Variants in RBFOX1 observed in about 807,000 individuals in gnomAD.
The protein encoded by RBFOX1 is RNA binding fox-1 homolog 1, also known as RNA binding protein fox-1 homolog 1.
Under a neutral mutation model 57.7 loss-of-function variants are expected in RBFOX1, and 8 were observed. The ratio of observed to expected loss-of-function variants is 0.14; its 90% CI spans 0.08 to 0.25. RBFOX1 has a LOEUF of 0.25. Ranked by LOEUF, RBFOX1 falls within the 10% of genes least tolerant of loss-of-function variation. RBFOX1 has a pLI of 1.00. For synonymous variants in RBFOX1, 326 were observed against 222.4 expected (o/e 1.47, Z -4.15); for missense variants, 611 against 548.5 (o/e 1.11, Z -1.14).
intron 2 of RBFOX1, among the ~76,000 whole-genome samples, chr16:6,610,281 A>T (rs1418107714): frequency 6.6e-6 from 1 of 151,996 alleles, no homozygotes; most frequent in East Asian, 1.9e-4. Flanking sequence ...ATTATTAGTA[A>T]GCATGAATTA....
rs987665177 is a variant in RBFOX1, at chr16:5,834,599, T to C, written c.319-32704T>C. ...TGTCATAGATAGATAGATAGATAGA[T>C]AGATAGATAGATAGATAGATAGATT... On this transcript the variant is annotated intron_variant, in intron 3 of 19. Transcript: ENST00000641259. Among the ~76,000 whole-genome samples, 24 of 151,370 alleles carry C rather than the reference T, an allele frequency of 1.6e-4. 1 individual carries two copies. The highest frequency in any genetic ancestry group is 5.9e-4 in the Admixed American group (9 of 15,206).
At chr16:6,022,862 G>A (rs8052004) in intron 1 of RBFOX1, among the ~76,000 whole-genome samples, 2,600 of 152,212 alleles carry the variant, frequency 0.017, 71 homozygotes, top group African/African-American at 0.059. Flanking sequence ...TTTTGTTGTG[G>A]CAAGAACACA....
intron 4 of RBFOX1, among the ~76,000 whole-genome samples, chr16:7,086,308 A>G (rs1168818253): frequency 6.6e-6 from 1 of 152,170 alleles, no homozygotes; most frequent in Admixed American, 6.5e-5. Flanking sequence ...GCCATGTAAA[A>G]ATATCACTAA....
intron 1 of RBFOX1, among the ~76,000 whole-genome samples, chr16:6,316,715 A>G (rs1212401480): frequency 6.6e-6 from 1 of 152,154 alleles, no homozygotes; most frequent in African/African-American, 2.4e-5. Flanking sequence ...ATGTACATGC[A>G]TGTCTTGTCA....
At chr16:5,515,126 G>A (rs191584480) in intron 2 of RBFOX1, among the ~76,000 whole-genome samples, 67 of 152,298 alleles carry the variant, frequency 4.4e-4, no homozygotes, top group African/African-American at 1.5e-3. Flanking sequence ...CATCCATGAG[G>A]ACTCGGCCCC....
intron 4 of RBFOX1, among the ~76,000 whole-genome samples, chr16:7,099,103 A>G (rs1251585786): frequency 6.6e-6 from 1 of 152,182 alleles, no homozygotes; most frequent in Non-Finnish European, 1.5e-5. Flanking sequence ...ATATTGCAAA[A>G]ATAGTACTTA....
chr16:6,200,035 C>A (rs2097205216), intron 1 of RBFOX1, among the ~76,000 whole-genome samples: 1 of 152,116 alleles, frequency 6.6e-6, no homozygotes, highest in African/African-American at 2.4e-5. Context: ...CTAGAGATGG[C>A]ACCATTTGGA....
chr16:6,366,472 A>C (rs940955529), intron 2 of RBFOX1, among the ~76,000 whole-genome samples: 1 of 152,196 alleles, frequency 6.6e-6, no homozygotes, highest in African/African-American at 2.4e-5. Context: ...AACCCAGAAT[A>C]AGCCAAAATA....
At chr16:7,056,498 G>C (rs990229182) in intron 4 of RBFOX1, among the ~76,000 whole-genome samples, 1 of 152,106 alleles carries the variant, frequency 6.6e-6, no homozygotes, top group Non-Finnish European at 1.5e-5. Context: ...GGTGATAGTC[G>C]TACAGTGACC....
chr16:6,812,109 C>G (rs74007091), intron 3 of RBFOX1, among the ~76,000 whole-genome samples: 121 of 152,176 alleles, frequency 8.0e-4, no homozygotes, highest in Admixed American at 2.0e-3. Context: ...GAAGCCTTCA[C>G]GAGAAACTCA....
intron 3 of RBFOX1, among the ~76,000 whole-genome samples, chr16:7,046,553 A>G (rs895485157): frequency 5.9e-5 from 9 of 151,382 alleles, no homozygotes; most frequent in Non-Finnish European, 1.3e-4. Flanking sequence ...GGAGATAATA[A>G]AGTTTATCAC....
chr16:6,223,249 G>C (rs371646599), intron 1 of RBFOX1, among the ~76,000 whole-genome samples: 1 of 150,344 alleles, frequency 6.7e-6, no homozygotes, highest in Non-Finnish European at 1.5e-5. Flanking sequence ...TGGTATTTCT[G>C]GTTCTAGATC....
intron 4 of RBFOX1, among the ~76,000 whole-genome samples, chr16:7,370,857 A>G (rs890526067): frequency 6.6e-6 from 1 of 152,266 alleles, no homozygotes; most frequent in African/African-American, 2.4e-5. Flanking sequence ...ATTGCAAAGA[A>G]CACTGACATT....
At chr16:6,930,363 A>G (rs926703801) in intron 3 of RBFOX1, among the ~76,000 whole-genome samples, 1 of 152,108 alleles carries the variant, frequency 6.6e-6, no homozygotes, top group Non-Finnish European at 1.5e-5. Flanking sequence ...ATGCAAATCA[A>G]AGTCACAATG....
At chr16:6,979,063 G>T (rs779661285) in intron 3 of RBFOX1, among the ~76,000 whole-genome samples, 3 of 152,138 alleles carry the variant, frequency 2.0e-5, no homozygotes, top group Non-Finnish European at 4.4e-5. Context: ...AAGCTAGAGA[G>T]AATCTGTATA....
intron 4 of RBFOX1, among the ~76,000 whole-genome samples, chr16:5,877,031 G>C (rs574400902): frequency 1.6e-4 from 25 of 152,260 alleles, no homozygotes; most frequent in African/African-American, 6.0e-4. Flanking sequence ...CCCAGGCCAA[G>C]GGCAAAGATT....
intron 3 of RBFOX1, among the ~76,000 whole-genome samples, chr16:5,617,413 C>T (rs1197739354): frequency 1.3e-5 from 2 of 152,186 alleles, no homozygotes; most frequent in Non-Finnish European, 2.9e-5. Flanking sequence ...CAGTCAAAGC[C>T]AGCCTTGCAC....
chr16:6,292,666 C>A (rs887350946), intron 1 of RBFOX1, among the ~76,000 whole-genome samples: 41 of 152,228 alleles, frequency 2.7e-4, no homozygotes, highest in African/African-American at 9.9e-4. Context: ...ATTTTTGCTC[C>A]TTCTAGGCGA....
At chr16:5,954,108 C>G (rs1036818195) in intron 4 of RBFOX1, among the ~76,000 whole-genome samples, 1 of 152,196 alleles carries the variant, frequency 6.6e-6, no homozygotes, top group Non-Finnish European at 1.5e-5. Flanking sequence ...TCGAGAATGA[C>G]GCAGTCCAAA....
Sources: gnomAD v4.1 joint callset for allele counts (sites outside exome capture counted in the v4.1 genomes callset) on GRCh38, gnomAD v4.1.1 for gene constraint, MANE v1.5 for transcripts, NCBI Gene and HGNC (gene_info 2026-07-23, HGNC 2026-07-21) for gene names.